The following LRRC72 variants were observed in gnomAD, a reference collection of about 807,000 sequenced individuals.
The protein encoded by LRRC72 is leucine rich repeat containing 72, also known as leucine-rich repeat-containing protein 72.
LRRC72 carries 41 observed loss-of-function variants against 35.8 expected under a neutral mutation model. That is an observed-to-expected ratio of 1.15 (90% CI 0.89 to 1.49). The LOEUF (loss-of-function observed/expected upper bound fraction) is 1.49, where lower values mean the gene tolerates loss of function less well. LRRC72 is among the 40% of genes most tolerant of loss of function. The probability of loss-of-function intolerance (pLI) is 0.00; values close to 1 mark genes in which losing one functional copy is unlikely to be tolerated. For missense variants in LRRC72, 389 were observed against 330.7 expected, an observed-to-expected ratio of 1.18 and a Z score of -1.37; for synonymous variants, 118 against 119.2, an observed-to-expected ratio of 0.99 and a Z score of 0.07.
chr7:16,531,180 C>CA (rs1239439988), intron 1 of LRRC72, among the ~76,000 whole-genome samples: 2,486 of 117,482 alleles, frequency 0.021, 69 homozygotes, highest in African/African-American at 0.067. Flanking sequence ...AAAACTCTCT[C>CA]AAAAAAAAAA....
chr7:16,581,207 T>C, intron 8 of LRRC72, 117 bp from the exon 9 acceptor site: 1 of 871,750 alleles, frequency 1.1e-6, no homozygotes, highest in Non-Finnish European at 1.6e-6. Flanking sequence ...TTAGTGGTAC[T>C]ATACTACAAA....
At chr7:16,535,074 A>ATGCTACTTAGGAG (rs1782230300) in intron 2 of LRRC72, among the ~76,000 whole-genome samples, 1 of 152,146 alleles carries the variant, frequency 6.6e-6, no homozygotes. Context: ...CTGTGGTCCC[A>ATGCTACTTAGGAG]GCTACTTAGG....
At chr7:16,562,867 C>T (rs1441253552) in intron 5 of LRRC72, among the ~76,000 whole-genome samples, 3 of 152,240 alleles carry the variant, frequency 2.0e-5, no homozygotes, top group African/African-American at 7.2e-5. Flanking sequence ...GATCCCTCCT[C>T]TCTCGATCCT....
chr7:16,532,969 T>C (rs1419017469), intron 2 of LRRC72: 1 of 242,036 alleles, frequency 4.1e-6, no homozygotes, highest in Non-Finnish European at 8.2e-6. Flanking sequence ...AATTCACTGT[T>C]TCCGTGAAAT....
At chr7:16,528,035 C>T (rs772682324) in intron 1 of LRRC72, among the ~76,000 whole-genome samples, 26 of 152,034 alleles carry the variant, frequency 1.7e-4, no homozygotes, top group Admixed American at 5.9e-4. Flanking sequence ...ATTTAAAATC[C>T]GACTTTTCAC....
At chr7:16,535,180 C>A (rs1782231992) in intron 2 of LRRC72, among the ~76,000 whole-genome samples, 1 of 151,964 alleles carries the variant, frequency 6.6e-6, no homozygotes, top group Admixed American at 6.6e-5. Flanking sequence ...CAGAGCCAAA[C>A]CCTTTCTAAA....
At chr7:16,535,103 C>T (rs541733770) in intron 2 of LRRC72, among the ~76,000 whole-genome samples, 4 of 151,974 alleles carry the variant, frequency 2.6e-5, no homozygotes, top group African/African-American at 7.2e-5. Flanking sequence ...GTGGGAGGAT[C>T]GCATGAACCT....
chr7:16,545,025 T>A (rs987832209), intron 3 of LRRC72, among the ~76,000 whole-genome samples: 1 of 152,210 alleles, frequency 6.6e-6, no homozygotes, highest in Non-Finnish European at 1.5e-5. Flanking sequence ...AGATTTGGAA[T>A]AAATGCTTTA....
chr7:16,565,388 T>C lies in LRRC72; in HGVS notation c.428-925T>C, dbSNP rs117466323. Among the ~76,000 whole-genome samples, 821 of 149,290 alleles carry C rather than the reference T, an allele frequency of 5.5e-3. 19 individuals are homozygous for C. The East Asian group carries it at 0.075, about 14-fold the overall frequency. On this transcript the variant is annotated intron_variant, in intron 5 of 8. Transcript: ENST00000401542. ...GCAGAGGTTGCAGTGAGCAAGATCA[T>C]GCCATTGCGCTCCAGCCTGGCAACA...
At chr7:16,541,028 G>C (rs1403668820) in intron 3 of LRRC72, among the ~76,000 whole-genome samples, 2 of 152,164 alleles carry the variant, frequency 1.3e-5, no homozygotes, top group African/African-American at 2.4e-5. Flanking sequence ...AAGTGTGGCT[G>C]TTGAAGTTTC....
At chr7:16,561,002 A>T (rs901949968) in intron 5 of LRRC72, among the ~76,000 whole-genome samples, 20 of 152,224 alleles carry the variant, frequency 1.3e-4, no homozygotes, top group African/African-American at 4.6e-4. Context: ...AAGCTCAGAG[A>T]TTTAACCAAA....
chr7:16,545,646 T>C lies in LRRC72; in HGVS notation c.234+7950T>C, dbSNP rs555100270. Among the ~76,000 whole-genome samples, 17 of 152,308 alleles carry C rather than the reference T, an allele frequency of 1.1e-4. No individual in the cohort carries two copies. In the South Asian group the frequency reaches 3.3e-3, roughly 30 times the overall value. ...CATACATTCCATATATTTTGGGCTCTTATGTGTTTCTGTTACCTTAGGGCA... is the reference window on the plus strand; with the variant it reads ...CATACATTCCATATATTTTGGGCTCCTATGTGTTTCTGTTACCTTAGGGCA... On this transcript the variant is annotated intron_variant, in intron 3 of 8. Coordinates refer to ENST00000401542, the MANE Select transcript of LRRC72 (RefSeq NM_001195280.2).
intron 2 of LRRC72, chr7:16,536,870 A>G (rs1782267378): frequency 6.6e-6 from 1 of 152,216 alleles, no homozygotes; most frequent in African/African-American, 2.4e-5. Context: ...AGCATTTGAT[A>G]AATAAACAGA....
Position 16,555,573 on chromosome 7 carries a change from G to C in LRRC72, c.235-1787G>C, listed in dbSNP as rs944834011. ...GGATCAGCTGAGGTCAGGAGTTCAA[G>C]ACCAGCGTGGCCAACATAGTGAAAC... On this transcript the variant is annotated intron_variant, in intron 3 of 8. Transcript: ENST00000401542. Among the ~76,000 whole-genome samples the C allele has an allele frequency of 2.0e-5, 3 of 152,192 alleles. No individual in the cohort carries two copies. The East Asian group carries it at 5.8e-4, about 29-fold the overall frequency.
chr7:16,539,854 C>G (rs1194924395), intron 3 of LRRC72, among the ~76,000 whole-genome samples: 1 of 152,184 alleles, frequency 6.6e-6, no homozygotes, highest in African/African-American at 2.4e-5. Context: ...GAAACCTCCA[C>G]CTAGATTTCA....
rs1397944931 is a variant in LRRC72, at chr7:16,556,678, C to G, written c.235-682C>G. On this transcript the variant is annotated intron_variant, in intron 3 of 8. Coordinates refer to ENST00000401542, the MANE Select transcript of LRRC72 (RefSeq NM_001195280.2). ...GCCATAAAGAAAGAGTCCAGGAAATCTGACTCAAAGTGCTGAAGCAGGTAG... is the reference window on the plus strand; with the variant it reads ...GCCATAAAGAAAGAGTCCAGGAAATGTGACTCAAAGTGCTGAAGCAGGTAG... 2.6e-5 allele frequency among the ~76,000 whole-genome samples: 4 copies of G among 152,124 alleles called. No individual in the cohort carries two copies. In the South Asian group the frequency reaches 6.2e-4, roughly 24 times the overall value.
At chr7:16,561,598 C>T (rs1782744887) in intron 5 of LRRC72, among the ~76,000 whole-genome samples, 1 of 152,166 alleles carries the variant, frequency 6.6e-6, no homozygotes, top group East Asian at 1.9e-4. Flanking sequence ...TACTTAAAAT[C>T]ACAGTGACGT....
intron 2 of LRRC72, among the ~76,000 whole-genome samples, chr7:16,535,218 G>A (rs778773033): frequency 2.3e-4 from 35 of 152,102 alleles, no homozygotes; most frequent in Admixed American, 1.3e-4. Flanking sequence ...TTTTGGAAGA[G>A]TCTGAAATAC....
intron 5 of LRRC72, among the ~76,000 whole-genome samples, chr7:16,563,353 A>G (rs1782775144): frequency 1.3e-5 from 2 of 152,088 alleles, no homozygotes; most frequent in African/African-American, 2.4e-5. Flanking sequence ...TTGTGCGGTA[A>G]GGTAGTAGAG....
Sources: gnomAD v4.1 joint callset for allele counts (sites outside exome capture counted in the v4.1 genomes callset) on GRCh38, gnomAD v4.1.1 for gene constraint, MANE v1.5 for transcripts, NCBI Gene and HGNC (gene_info 2026-07-23, HGNC 2026-07-21) for gene names.